The following LRRC58 variants were observed in gnomAD, a reference collection of about 807,000 sequenced individuals.
LRRC58 encodes the protein leucine-rich repeat-containing protein 58.
Under a neutral mutation model 30.6 loss-of-function variants are expected in LRRC58, and 18 were observed. The ratio of observed to expected loss-of-function variants is 0.59; its 90% CI spans 0.41 to 0.87. The LOEUF is 0.87. Among genes scored for constraint, LRRC58 ranks in the 40% least tolerant of loss-of-function variants. LRRC58 has a pLI of 0.00. For synonymous variants in LRRC58, 221 were observed against 206.0 expected (o/e 1.07, Z -0.62); for missense variants, 420 against 468.4 (o/e 0.90, Z 0.95).
At chr3:120,333,385 C>A (rs1355882991) in intron 3 of LRRC58, among the ~76,000 whole-genome samples, 2 of 152,226 alleles carry the variant, frequency 1.3e-5, no homozygotes, top group African/African-American at 4.8e-5. Context: ...GTGTTTTCCT[C>A]TGTCACTGTG....
Position 120,348,777 on chromosome 3 carries a change from T to C in LRRC58, c.467A>G (p.Gln156Arg). Residue 156 changes from glutamine (Q) to arginine (R), a missense_variant, in exon 1 of 4, where the codon CAG becomes CGG. By Grantham distance (43) the Gln-to-Arg change is conservative. Coordinates refer to ENST00000295628, the MANE Select transcript of LRRC58 (RefSeq NM_001099678.2). The part of the protein sequence containing the change: ...QTLSLGGNQL[Q>R]SIPAEIENLQ... ...GTTCTCGATCTCAGCCGGGATGCTC[T>C]GCAGTTGGTTGCCGCCCAGGCTCAG... is the stretch of plus-strand genomic sequence containing the variant. 2.5e-6 allele frequency: 4 copies of C among 1,603,786 alleles called. No individual in the cohort carries two copies. The highest frequency in any genetic ancestry group is 3.4e-6 in the Non-Finnish European group (4 of 1,175,848).
chr3:120,340,712 A>G (rs1486240147), intron 1 of LRRC58, among the ~76,000 whole-genome samples: 1 of 152,114 alleles, frequency 6.6e-6, no homozygotes, highest in Non-Finnish European at 1.5e-5. Context: ...GTCTCTACTA[A>G]AAAAACAAAA....
At position 120,326,608 on chromosome 3, in the gene LRRC58, T is replaced by C. The variant is rs1052057666; in HGVS notation, c.*4592A>G. 6.6e-6 allele frequency: 1 copy of C among 152,226 alleles called. No homozygotes were observed. The highest frequency in any genetic ancestry group is 1.5e-5 in the Non-Finnish European group (1 of 68,028). The allele number at this position is 152,226 out of a possible 1,614,324, so 9.4% of individuals were successfully genotyped here. ...AAAATCTATACAATAGCTTTTACTA[T>C]TGTTAAGTACCTGGCACAACTTAAA... On this transcript the variant is annotated 3_prime_UTR_variant, in exon 4 of 4. Transcript: ENST00000295628.
At position 120,325,778 on chromosome 3, in the gene LRRC58, C is replaced by T. The variant is rs973111530; in HGVS notation, c.*5422G>A. 2.0e-5 allele frequency: 3 copies of T among 152,166 alleles called. No individual in the cohort carries two copies. The highest frequency in any genetic ancestry group is 7.2e-5 in the African/African-American group (3 of 41,438). 9.4% of individuals were successfully genotyped at this position (152,166 alleles called of 1,614,324 possible). The stretch of plus-strand genomic sequence containing the variant: ...CTATAAATATGAAGTTGGTTAGAAA[C>T]TGCTGTCATTCTTTGGTGGCACCAG... On this transcript the variant is annotated 3_prime_UTR_variant, in exon 4 of 4. Transcript: ENST00000295628.
intron 1 of LRRC58, among the ~76,000 whole-genome samples, chr3:120,336,582 A>G (rs573393355): frequency 6.6e-6 from 1 of 152,280 alleles, no homozygotes; most frequent in African/African-American, 2.4e-5. Flanking sequence ...CTGTAAAACT[A>G]TGAAGTCTCT....
chr3:120,326,705 A>C lies in LRRC58; in HGVS notation c.*4495T>G, dbSNP rs984758182. ...TAAAATCTCTACCTCTGGATGAAAA[A>C]AGGATCATTTAGGTAAAAATTAAAT... On this transcript the variant is annotated 3_prime_UTR_variant, in exon 4 of 4. Transcript: ENST00000295628. 6 of 152,336 alleles carry C rather than the reference A, an allele frequency of 3.9e-5. No individual in the cohort carries two copies. In the South Asian group the frequency reaches 1.2e-3, roughly 32 times the overall value. 9.4% of individuals were successfully genotyped at this position (152,336 alleles called of 1,614,324 possible).
At chr3:120,334,151 T>C (rs1007365305) in intron 3 of LRRC58, among the ~76,000 whole-genome samples, 7 of 152,200 alleles carry the variant, frequency 4.6e-5, no homozygotes, top group Non-Finnish European at 8.8e-5. Flanking sequence ...CCCATTCTCA[T>C]ACATCTTGAT....
In LRRC58 at chr3:120,328,447, T is replaced by G. The variant is rs553538636; in HGVS notation, c.*2753A>C. 2.4e-4 allele frequency: 37 copies of G among 152,354 alleles called. No homozygotes were observed. The highest frequency in any genetic ancestry group is 8.9e-4 in the African/African-American group (37 of 41,590). 9.4% of individuals were successfully genotyped at this position (152,354 alleles called of 1,614,324 possible). A position where few individuals can be genotyped will look rare whatever the true frequency, so the allele number is the denominator to read the frequency against. ...TTAATGTTATGCTTAGGCAGTTTTA[T>G]CCATAGTTTTGGTCACTAAAATCGT... On this transcript the variant is annotated 3_prime_UTR_variant, in exon 4 of 4. Coordinates refer to ENST00000295628, the MANE Select transcript of LRRC58 (RefSeq NM_001099678.2).
intron 3 of LRRC58, among the ~76,000 whole-genome samples, chr3:120,332,648 A>T (rs1293300022): frequency 6.6e-6 from 1 of 152,238 alleles, no homozygotes; most frequent in Admixed American, 6.5e-5. Context: ...TATCTCTGAG[A>T]ATATAAAAGT....
Position 120,328,118 on chromosome 3 carries a change from A to G in LRRC58, c.*3082T>C, listed in dbSNP as rs1241597439. The G allele has an allele frequency of 2.0e-5, 3 of 152,216 alleles. No individual in the cohort carries two copies. The highest frequency in any genetic ancestry group is 7.2e-5 in the African/African-American group (3 of 41,446). 9.4% of individuals were successfully genotyped at this position (152,216 alleles called of 1,614,324 possible). ...TTGAACAAGAGACACTTCAGCACAC[A>G]TTTAGAAGTAAAATATAACCAGTCG... On this transcript the variant is annotated 3_prime_UTR_variant, in exon 4 of 4. Transcript: ENST00000295628.
intron 1 of LRRC58, among the ~76,000 whole-genome samples, chr3:120,336,984 GT>G (rs1249743890): frequency 6.6e-6 from 1 of 151,748 alleles, no homozygotes; most frequent in Non-Finnish European, 1.5e-5. Flanking sequence ...TAGAACTACT[GT>G]TTTTTCAAAA....
At chr3:120,348,632 GAGAA>G in intron 1 of LRRC58, 108 bp downstream of exon 1, 1 of 1,274,810 alleles carries the variant, frequency 7.8e-7, no homozygotes, top group Non-Finnish European at 1.0e-6. Flanking sequence ...CACAGTTAAA[GAGAA>G]AGCTTGGAAA....
At chr3:120,333,660 T>C (rs1935792425) in intron 3 of LRRC58, among the ~76,000 whole-genome samples, 2 of 152,200 alleles carry the variant, frequency 1.3e-5, no homozygotes, top group Non-Finnish European at 2.9e-5. Flanking sequence ...ACTGGATTTT[T>C]TAAAAGTAGT....
At chr3:120,335,719 G>T (rs536381840) in intron 2 of LRRC58, 106 bp downstream of exon 2, 2 of 992,668 alleles carry the variant, frequency 2.0e-6, no homozygotes, top group Non-Finnish European at 2.9e-6. Flanking sequence ...CACTTACTTT[G>T]AGAATATCTA....
chr3:120,347,206 T>C (rs1935978906), intron 1 of LRRC58, among the ~76,000 whole-genome samples: 1 of 152,092 alleles, frequency 6.6e-6, no homozygotes, highest in African/African-American at 2.4e-5. Context: ...GGACAGTGCC[T>C]GACACAGGGC....
intron 1 of LRRC58, among the ~76,000 whole-genome samples, chr3:120,348,430 T>G (rs896157024): frequency 6.6e-6 from 1 of 152,208 alleles, no homozygotes; most frequent in Admixed American, 6.5e-5. Context: ...AGCAAAGAAG[T>G]GACAACCTCT....
chr3:120,343,170 TTC>T (rs1384429669), intron 1 of LRRC58, among the ~76,000 whole-genome samples: 1 of 152,222 alleles, frequency 6.6e-6, no homozygotes, highest in Non-Finnish European at 1.5e-5. Context: ...ATTATGTAAA[TTC>T]TCTTTTGCAA....
In LRRC58 at chr3:120,324,647, G is replaced by T. The variant is rs1458537403; in HGVS notation, c.*6553C>A. The T allele has an allele frequency of 6.6e-6, 1 of 152,152 alleles. No individual in the cohort carries two copies. Among genetic ancestry groups the T allele is most frequent in the African/African-American group, 2.4e-5 (1 of 41,420 alleles). 9.4% of individuals were successfully genotyped at this position (152,152 alleles called of 1,614,324 possible). A position where few individuals can be genotyped will look rare whatever the true frequency, so the allele number is the denominator to read the frequency against. On this transcript the variant is annotated 3_prime_UTR_variant, in exon 4 of 4. Transcript: ENST00000295628. ...TAAAATAAGGCACAATGTTTGATAT[G>T]GCAAAATTCACAGAGGATTGGTTAA...
At chr3:120,331,649 CTG>C (rs766576471) in intron 3 of LRRC58, among the ~76,000 whole-genome samples, 204 of 152,258 alleles carry the variant, frequency 1.3e-3, no homozygotes, top group Non-Finnish European at 2.1e-3. Context: ...AGAAAGGACA[CTG>C]TGTACCTAGC....
Sources: gnomAD v4.1 joint callset for allele counts (sites outside exome capture counted in the v4.1 genomes callset) on GRCh38, gnomAD v4.1.1 for gene constraint, MANE v1.5 for transcripts, NCBI Gene and HGNC (gene_info 2026-07-23, HGNC 2026-07-21) for gene names.